Variants in FLVCR2 observed in about 807,000 individuals in gnomAD.
The protein encoded by FLVCR2 is choline/ethanolamine transporter FLVCR2.
In FLVCR2, 38 loss-of-function variants were observed where a neutral mutation model predicts 48.9. The observed-to-expected ratio is 0.78, with a 90% CI of 0.60 to 1.02. The LOEUF is 1.02. FLVCR2 is among the 50% of genes least tolerant of loss of function. The probability of loss-of-function intolerance (pLI) is 0.00; values close to 1 mark genes in which losing one functional copy is unlikely to be tolerated. For missense variants in FLVCR2, 664 were observed against 663.3 expected, an observed-to-expected ratio of 1.00 and a Z score of -0.01; for synonymous variants, 255 against 257.0, an observed-to-expected ratio of 0.99 and a Z score of 0.07.
chr14:75,635,548 C>G (rs11847375), intron 5 of FLVCR2, among the ~76,000 whole-genome samples: 1 of 152,142 alleles, frequency 6.6e-6, no homozygotes, highest in African/African-American at 2.4e-5. Context: ...CAGTGCATTT[C>G]TAAGAGCCTG....
intron 3 of FLVCR2, among the ~76,000 whole-genome samples, chr14:75,632,202 C>CTTAA (rs948183716): frequency 6.6e-6 from 1 of 152,228 alleles, no homozygotes; most frequent in African/African-American, 2.4e-5. Flanking sequence ...AGCTCCATCA[C>CTTAA]TTAATACCTG....
At chr14:75,640,906 C>T (rs1329486849) in intron 6 of FLVCR2, 49 bp from the exon 7 acceptor site, 1 of 1,365,588 alleles carries the variant, frequency 7.3e-7, no homozygotes, top group Admixed American at 1.7e-5. Flanking sequence ...CCCCATCCTT[C>T]TTGTTCTGGA....
rs538179123 is a variant in FLVCR2 at position 75,596,126 on chromosome 14, G to A, written c.669+16485G>A. ...GCACTGTTGCCTTCCCAGGGTGAAG[G>A]ATATCAATGACTGTTTGTTTCCTCT... On this transcript the variant is annotated intron_variant, in intron 1 of 9. Coordinates refer to ENST00000238667, the MANE Select transcript of FLVCR2 (RefSeq NM_017791.3). 10 of 872,368 alleles carry A rather than the reference G, an allele frequency of 1.1e-5. No individual in the cohort carries two copies. In the African/African-American group the frequency reaches 1.6e-4, roughly 14 times the overall value. The allele number at this position is 872,368 out of a possible 1,614,324, so 54.0% of individuals were successfully genotyped here. A position where few individuals can be genotyped will look rare whatever the true frequency, so the allele number is the denominator to read the frequency against.
intron 1 of FLVCR2, among the ~76,000 whole-genome samples, chr14:75,593,515 C>G (rs1428988386): frequency 6.6e-6 from 1 of 152,162 alleles, no homozygotes; most frequent in Non-Finnish European, 1.5e-5. Context: ...GGGAACTCAC[C>G]CATTTCTGCA....
chr14:75,636,670 C>T (rs1056478600), intron 5 of FLVCR2, among the ~76,000 whole-genome samples: 1 of 152,186 alleles, frequency 6.6e-6, no homozygotes, highest in East Asian at 1.9e-4. Flanking sequence ...AGATATTTTT[C>T]TCCCTGTGCC....
At position 75,635,138 on chromosome 14, in the gene FLVCR2, G is replaced by C. The variant is rs183618984; in HGVS notation, c.1124+125G>C. ...GTGGCCAAGCAGGTCATTCAAGTTTGACTTCTCTGAGCCTCACTTTCCTCA... is the reference window on the plus strand; with the variant it reads ...GTGGCCAAGCAGGTCATTCAAGTTTCACTTCTCTGAGCCTCACTTTCCTCA... On this transcript the variant is annotated intron_variant, in intron 5 of 9. Transcript: ENST00000238667. 29 of 719,550 alleles carry C rather than the reference G, an allele frequency of 4.0e-5. No individual in the cohort carries two copies. In the Admixed American group the frequency reaches 5.2e-4, roughly 13 times the overall value. 44.6% of individuals were successfully genotyped at this position (719,550 alleles called of 1,614,324 possible).
intron 5 of FLVCR2, among the ~76,000 whole-genome samples, chr14:75,637,311 T>C (rs1025117260): frequency 6.6e-6 from 1 of 152,246 alleles, no homozygotes; most frequent in Non-Finnish European, 1.5e-5. Flanking sequence ...AATAAATGCA[T>C]GTGAAGTGCT....
At chr14:75,602,671 G>A (rs146425260) in intron 1 of FLVCR2, among the ~76,000 whole-genome samples, 137 of 152,298 alleles carry the variant, frequency 9.0e-4, no homozygotes, top group Middle Eastern at 3.4e-3. Context: ...GAAGCTGAGG[G>A]AAGGAGAGAA....
intron 1 of FLVCR2, among the ~76,000 whole-genome samples, chr14:75,620,632 T>C (rs2140036256): frequency 6.6e-6 from 1 of 152,374 alleles, no homozygotes; most frequent in Middle Eastern, 3.4e-3. Flanking sequence ...AAACTCTGTC[T>C]TATACCTCTT....
At chr14:75,594,767 T>A (rs1227244838) in intron 1 of FLVCR2, among the ~76,000 whole-genome samples, 1 of 152,042 alleles carries the variant, frequency 6.6e-6, no homozygotes, top group African/African-American at 2.4e-5. Flanking sequence ...GTCACCAGCT[T>A]GGAGTACAGT....
intron 1 of FLVCR2, among the ~76,000 whole-genome samples, chr14:75,620,124 G>A (rs1202197827): frequency 6.6e-6 from 1 of 152,136 alleles, no homozygotes; most frequent in Non-Finnish European, 1.5e-5. Flanking sequence ...TATATGAGCT[G>A]GAGTGGGCCC....
At chr14:75,602,999 G>A (rs1889202762) in intron 1 of FLVCR2, among the ~76,000 whole-genome samples, 2 of 152,060 alleles carry the variant, frequency 1.3e-5, no homozygotes, top group Admixed American at 1.3e-4. Flanking sequence ...TTCCAACACT[G>A]GCCTTTGTTT....
At chr14:75,622,313 A>C in intron 2 of FLVCR2, 93 bp downstream of exon 2, 1 of 1,220,722 alleles carries the variant, frequency 8.2e-7, no homozygotes, top group Non-Finnish European at 1.2e-6. Context: ...CATGCCCTGA[A>C]ATACCATGGA....
At chr14:75,610,108 G>T (rs1442517613) in intron 1 of FLVCR2, among the ~76,000 whole-genome samples, 1 of 152,202 alleles carries the variant, frequency 6.6e-6, no homozygotes, top group African/African-American at 2.4e-5. Flanking sequence ...TGGCCGGGTG[G>T]TTTGAAAGAC....
chr14:75,622,555 A>G (rs1041502711), intron 2 of FLVCR2, among the ~76,000 whole-genome samples: 1 of 152,230 alleles, frequency 6.6e-6, no homozygotes, highest in African/African-American at 2.4e-5. Context: ...TGTACTGAGC[A>G]TGCCTGATTT....
intron 3 of FLVCR2, 56 bp from the exon 4 acceptor site, chr14:75,633,573 C>A (rs1484652135): frequency 8.7e-6 from 12 of 1,375,554 alleles, no homozygotes; most frequent in Non-Finnish European, 9.4e-6. Flanking sequence ...GAGAAGTTAG[C>A]AATGGCCCCA....
rs1299295551 is a variant in FLVCR2 at position 75,639,473 on chromosome 14, C to T, written c.1235+11C>T. On this transcript the variant is annotated intron_variant, in intron 6 of 9. Coordinates refer to ENST00000238667, the MANE Select transcript of FLVCR2 (RefSeq NM_017791.3). ...TGCTGGCACAATGGGGTAAGTTTCA[C>T]CTCTGGCTGATTTATTAGAAAATAC... The T allele has an allele frequency of 6.4e-7, 1 of 1,554,790 alleles. No homozygotes were observed. The highest frequency in any genetic ancestry group is 2.2e-5 in the East Asian group (1 of 44,642).
At chr14:75,634,248 A>G (rs1890110297) in intron 4 of FLVCR2, among the ~76,000 whole-genome samples, 1 of 152,162 alleles carries the variant, frequency 6.6e-6, no homozygotes, top group Non-Finnish European at 1.5e-5. Flanking sequence ...GGGGTAGACT[A>G]TATGGCTAAG....
At chr14:75,624,099 C>T (rs764701259) in intron 2 of FLVCR2, among the ~76,000 whole-genome samples, 7 of 150,270 alleles carry the variant, frequency 4.7e-5, no homozygotes, top group Non-Finnish European at 1.0e-4. Context: ...CGGTGGCTCA[C>T]GCCTGTAATC....
Sources: allele counts gnomAD v4.1 joint callset (sites outside exome capture counted in the v4.1 genomes callset), GRCh38; gene constraint gnomAD v4.1.1; transcripts MANE v1.5; gene names NCBI Gene and HGNC (gene_info 2026-07-23, HGNC 2026-07-21).